Variants in TUT7 observed in about 807,000 individuals in gnomAD.
The protein encoded by TUT7 is terminal uridylyl transferase 7, also known as terminal uridylyltransferase 7.
In TUT7, 33 loss-of-function variants were observed where a neutral mutation model predicts 165.9. That is an observed-to-expected ratio of 0.20 (90% CI 0.15 to 0.27). The LOEUF is 0.27. TUT7 is among the 10% of genes least tolerant of loss of function. TUT7 has a pLI of 1.00. For missense variants in TUT7, 1,338 were observed against 1,762.3 expected (o/e 0.76, Z 4.31); for synonymous variants, 552 against 608.1 (o/e 0.91, Z 1.36).
In TUT7 at chr9:86,325,356, G is replaced by A; in HGVS notation, c.1767C>T (p.Pro589=). The A allele has an allele frequency of 6.2e-7, 1 of 1,613,154 alleles. No individual in the cohort carries two copies. Among genetic ancestry groups the A allele is most frequent in the African/African-American group, 1.3e-5 (1 of 74,908 alleles). ...ELVSRELKDW[P]KKRIAIEDPY... Reference sequence around the variant, plus strand: ...TACCTTCAATGGCAATGCGCTTTTTGGGCCAATCCTTCAATTCCCGAGATA... The same window carrying A: ...TACCTTCAATGGCAATGCGCTTTTTAGGCCAATCCTTCAATTCCCGAGATA... The change falls in exon 12 of 27, where the codon CCC becomes CCT. Residue 589 remains proline, a synonymous_variant. Transcript: ENST00000375963.
At chr9:86,310,574 C>CAAGT (rs1827956524) in intron 18 of TUT7, 132 bp downstream of exon 18, 1 of 609,468 alleles carries the variant, frequency 1.6e-6, no homozygotes, top group Non-Finnish European at 2.9e-6. Flanking sequence ...AGGTTCACAG[C>CAAGT]AAGTAAGCAT....
Position 86,305,313 on chromosome 9 carries a change from C to T in TUT7, c.3839-74G>A, listed in dbSNP as rs111387209. 6,897 of 1,007,056 alleles carry T rather than the reference C, an allele frequency of 6.8e-3. 178 individuals are homozygous for T. The African/African-American group carries it at 0.069, about 10-fold the overall frequency. 62.4% of individuals were successfully genotyped at this position (1,007,056 alleles called of 1,614,324 possible). ...CACCATTCATCCAATAAGTAAAGTT[C>T]ATAAAACAAGACAAGAATATCATCT... is the stretch of plus-strand genomic sequence containing the variant. On this transcript the variant is annotated intron_variant, in intron 22 of 26. Transcript: ENST00000375963.
chr9:86,304,821 T>A (rs1277180010), intron 24 of TUT7, 35 bp downstream of exon 24: 12 of 1,454,596 alleles, frequency 8.2e-6, no homozygotes, highest in Admixed American at 4.2e-5. Flanking sequence ...CACTTTTTTT[T>A]ATTTTTTATT....
intron 12 of TUT7, chr9:86,324,542 A>G (rs1829616762): frequency 6.6e-6 from 1 of 152,398 alleles, no homozygotes; most frequent in Non-Finnish European, 1.5e-5. Flanking sequence ...GGAGGGTTTA[A>G]AAATGTGAGA....
At chr9:86,335,034 T>A (rs762911024) in intron 10 of TUT7, among the ~76,000 whole-genome samples, 1 of 152,194 alleles carries the variant, frequency 6.6e-6, no homozygotes, top group Non-Finnish European at 1.5e-5. Flanking sequence ...TGCAGAAGGA[T>A]CACTTGATTA....
intron 26 of TUT7, among the ~76,000 whole-genome samples, chr9:86,289,689 T>C (rs1825771111): frequency 6.6e-6 from 1 of 151,392 alleles, no homozygotes; most frequent in Admixed American, 6.6e-5. Flanking sequence ...AATGAAAAGG[T>C]AATATATAAA....
In TUT7 at chr9:86,288,422, T is replaced by C. The variant is rs1300096890; in HGVS notation, c.*255A>G. 1 of 269,186 alleles carries C rather than the reference T, an allele frequency of 3.7e-6. No individual in the cohort carries two copies. Among genetic ancestry groups the C allele is most frequent in the East Asian group, 6.8e-5 (1 of 14,748 alleles). The allele number at this position is 269,186 out of a possible 1,614,324, so 16.7% of individuals were successfully genotyped here. A position where few individuals can be genotyped will look rare whatever the true frequency, so the allele number is the denominator to read the frequency against. ...TACCGGTCCATAGTTATATTTTTTC[T>C]TTTAACGTGGCTTAAATACATACAT... On this transcript the variant is annotated 3_prime_UTR_variant, in exon 27 of 27. Transcript: ENST00000375963.
At chr9:86,334,056 C>T (rs115488165) in intron 10 of TUT7, among the ~76,000 whole-genome samples, 14 of 152,252 alleles carry the variant, frequency 9.2e-5, no homozygotes, top group African/African-American at 3.4e-4. Context: ...TGAGCTTGTG[C>T]CCCTAGACAG....
intron 2 of TUT7, among the ~76,000 whole-genome samples, chr9:86,351,621 G>A (rs964898312): frequency 6.6e-6 from 1 of 152,152 alleles, no homozygotes; most frequent in East Asian, 1.9e-4. Flanking sequence ...CTATACGCAT[G>A]GGACACAAAT....
intron 10 of TUT7, among the ~76,000 whole-genome samples, chr9:86,335,233 G>C (rs950339693): frequency 6.6e-6 from 1 of 152,162 alleles, no homozygotes; most frequent in Non-Finnish European, 1.5e-5. Flanking sequence ...TGGCAAAACA[G>C]AGATGAGTCC....
At chr9:86,351,762 G>A (rs547007732) in intron 2 of TUT7, among the ~76,000 whole-genome samples, 1 of 152,246 alleles carries the variant, frequency 6.6e-6, no homozygotes, top group East Asian at 1.9e-4. Context: ...TTATTTAAAA[G>A]TGCTGGCCAG....
intron 10 of TUT7, among the ~76,000 whole-genome samples, chr9:86,335,657 G>A (rs1188982457): frequency 1.3e-5 from 2 of 152,174 alleles, no homozygotes; most frequent in African/African-American, 2.4e-5. Context: ...ATACTCTCAT[G>A]TACATAATTA....
intron 10 of TUT7, among the ~76,000 whole-genome samples, chr9:86,328,770 A>T (rs976306174): frequency 6.6e-6 from 1 of 152,206 alleles, no homozygotes; most frequent in Non-Finnish European, 1.5e-5. Flanking sequence ...ATGGGTTCTG[A>T]AGTAAAACTG....
intron 12 of TUT7, among the ~76,000 whole-genome samples, chr9:86,324,831 T>G (rs909858861): frequency 6.6e-6 from 1 of 152,216 alleles, no homozygotes; most frequent in Non-Finnish European, 1.5e-5. Context: ...TGTGTTTTTA[T>G]GAATAAGTTC....
chr9:86,300,580 G>C (rs1826789882), intron 26 of TUT7, among the ~76,000 whole-genome samples: 1 of 152,170 alleles, frequency 6.6e-6, no homozygotes, highest in Non-Finnish European at 1.5e-5. Context: ...CTTATAGTTA[G>C]TAGTCTGTTT....
intron 26 of TUT7, among the ~76,000 whole-genome samples, chr9:86,294,806 A>G (rs1826172968): frequency 6.6e-6 from 1 of 151,440 alleles, no homozygotes; most frequent in Admixed American, 6.6e-5. Context: ...TTTGTTACAT[A>G]TGTATACATG....
intron 16 of TUT7, 139 bp downstream of exon 16, chr9:86,318,819 T>G: frequency 1.9e-6 from 1 of 540,370 alleles, no homozygotes; most frequent in Non-Finnish European, 3.3e-6. Context: ...TCTTAATGTA[T>G]TTGGCCAGAG....
intron 26 of TUT7, among the ~76,000 whole-genome samples, chr9:86,296,411 G>A (rs1326010566): frequency 6.6e-6 from 1 of 152,136 alleles, no homozygotes; most frequent in Non-Finnish European, 1.5e-5. Flanking sequence ...AAAACCTACT[G>A]AATATCTAAG....
intron 9 of TUT7, among the ~76,000 whole-genome samples, chr9:86,338,310 C>T (rs1406935261): frequency 6.6e-6 from 1 of 150,600 alleles, no homozygotes; most frequent in Non-Finnish European, 1.5e-5. Context: ...CTCCCAGGTT[C>T]AAGCGACAGA....
Sources: gnomAD v4.1 joint callset for allele counts (sites outside exome capture counted in the v4.1 genomes callset) on GRCh38, gnomAD v4.1.1 for gene constraint, MANE v1.5 for transcripts, NCBI Gene and HGNC (gene_info 2026-07-23, HGNC 2026-07-21) for gene names.